The following PREPL variants were observed in gnomAD, a reference collection of about 807,000 sequenced individuals.
The protein encoded by PREPL is prolyl endopeptidase like.
In PREPL, 77 loss-of-function variants were observed where a neutral mutation model predicts 70.6. The ratio of observed to expected loss-of-function variants is 1.09; its 90% CI spans 0.91 to 1.32. The LOEUF (loss-of-function observed/expected upper bound fraction) is 1.32, where lower values mean the gene tolerates loss of function less well. Ranked by LOEUF, PREPL falls within the 40% of genes most tolerant of loss-of-function variation. The pLI is 0.00. For missense variants in PREPL, 1,002 were observed against 778.2 expected, an observed-to-expected ratio of 1.29 and a Z score of -3.42; for synonymous variants, 315 against 264.8, an observed-to-expected ratio of 1.19 and a Z score of -1.84.
intron 5 of PREPL, 44 bp from the exon 6 acceptor site, chr2:44,339,407 T>G (rs1423833133): frequency 6.2e-7 from 1 of 1,601,534 alleles, no homozygotes; most frequent in Middle Eastern, 1.9e-4. Context: ...TTATTTCAGA[T>G]GCATGCTACC....
At chr2:44,322,875 G>A (rs761135987) in intron 11 of PREPL, 21 bp from the exon 12 acceptor site, 16 of 1,610,448 alleles carry the variant, frequency 9.9e-6, no homozygotes, top group African/African-American at 1.3e-5. Context: ...ATACATGCAC[G>A]AAGAGTTTAC....
chr2:44,329,600 A>G (rs904992448), intron 8 of PREPL, among the ~76,000 whole-genome samples: 3 of 152,160 alleles, frequency 2.0e-5, no homozygotes, highest in Non-Finnish European at 2.9e-5. Context: ...TCAACCATTA[A>G]GACCTGAAAT....
At chr2:44,359,795 G>T (rs1014521397) in intron 1 of PREPL, 2 of 1,000,540 alleles carry the variant, frequency 2.0e-6, no homozygotes, top group South Asian at 1.4e-5. Context: ...ACAGAGTAGT[G>T]GGTTCTCAGA....
rs1489177920 is a variant in PREPL, at chr2:44,361,389, G to C, written c.-58C>G. On this transcript the variant is annotated 5_prime_UTR_variant, in exon 1 of 14. Transcript: ENST00000409411. ...CACCCCCCATACATACGCAAATTGA[G>C]AGAATCAGTCCGGCTCTGGACACAA... 2 of 152,330 alleles carry C rather than the reference G, an allele frequency of 1.3e-5. No homozygotes were observed. The highest frequency in any genetic ancestry group is 2.1e-4 in the South Asian group (1 of 4,846). 9.4% of individuals were successfully genotyped at this position (152,330 alleles called of 1,614,324 possible).
rs1558476543 is a variant in PREPL, at chr2:44,319,370, C to T, written c.*1986G>A. 1 of 152,426 alleles carries T rather than the reference C, an allele frequency of 6.6e-6. No individual in the cohort carries two copies. The highest frequency in any genetic ancestry group is 1.5e-5 in the Non-Finnish European group (1 of 68,020). 9.4% of individuals were successfully genotyped at this position (152,426 alleles called of 1,614,324 possible). A position where few individuals can be genotyped will look rare whatever the true frequency, so the allele number is the denominator to read the frequency against. ...AGTAACTGTCTTTCTGATAATCTAT[C>T]TTAAGTAATACAAAAATGGGGGGAG... is the stretch of plus-strand genomic sequence containing the variant. On this transcript the variant is annotated 3_prime_UTR_variant, in exon 14 of 14. Transcript: ENST00000409411.
Position 44,328,438 on chromosome 2 carries a change from C to CAAAAAAAAAAAA in PREPL, c.1262+487_1262+498dup, listed in dbSNP as rs1194898905. 8.2e-5 allele frequency among the ~76,000 whole-genome samples: 5 copies of CAAAAAAAAAAAA among 61,194 alleles called. 1 individual carries two copies. The highest frequency in any genetic ancestry group is 1.1e-4 in the Non-Finnish European group (4 of 35,500). 40.1% of individuals were successfully genotyped at this position (61,194 alleles called of 152,430 possible). On this transcript the variant is annotated intron_variant, in intron 9 of 13. Transcript: ENST00000409411. ...GGCGACAAAGCAAAACTGTCTCAAA[C>CAAAAAAAAAAAA]AAAAAAAAAAAAAAAAAAAAAAAAA...
chr2:44,361,816 C>A, upstream of PREPL: 3 of 1,107,808 alleles, frequency 2.7e-6, no homozygotes, highest in Non-Finnish European at 3.5e-6. Context: ...GGTGCAATGG[C>A]GTGACAGCTC....
Position 44,329,705 on chromosome 2 carries a change from A to C in PREPL, c.1087-593T>G, listed in dbSNP as rs953890218. On this transcript the variant is annotated intron_variant, in intron 8 of 13. Coordinates refer to ENST00000409411, the MANE Select transcript of PREPL (RefSeq NM_001171613.2). ...AAAGTGGTCTTAAAATTTTTCGGTA[A>C]AATTCTTTGTAGGGTTAAAGTAAGT... Among the ~76,000 whole-genome samples the C allele has an allele frequency of 3.3e-5, 5 of 152,296 alleles. No homozygotes were observed. The East Asian group carries it at 9.7e-4, about 29-fold the overall frequency.
chr2:44,352,812 T>C (rs892201153), intron 1 of PREPL, among the ~76,000 whole-genome samples: 2 of 152,098 alleles, frequency 1.3e-5, no homozygotes, highest in Non-Finnish European at 2.9e-5. Context: ...ATGGAGAAGA[T>C]ATCTACAGCA....
At chr2:44,343,628 A>G (rs1675461818) in intron 4 of PREPL, 117 bp downstream of exon 4, 2 of 852,112 alleles carry the variant, frequency 2.3e-6, no homozygotes, top group Admixed American at 2.0e-5. Flanking sequence ...TGTATAGTCC[A>G]TAGGGATACA....
chr2:44,329,088 C>CA lies in PREPL; in HGVS notation c.1110dup (p.Val371CysfsTer6). On this transcript the variant is annotated frameshift_variant, in exon 9 of 14. Coordinates refer to ENST00000409411, the MANE Select transcript of PREPL (RefSeq NM_001171613.2). LOFTEE classifies it high-confidence loss of function. The stretch of plus-strand genomic sequence containing the variant: ...TCCTCAGAGTCAGTTTTGTGGAAAA[C>CA]AGTCATTGGCACTAATTTTCCATCC... The CA allele has an allele frequency of 6.2e-7, 1 of 1,604,014 alleles. No homozygotes were observed. Among genetic ancestry groups the CA allele is most frequent in the Non-Finnish European group, 8.5e-7 (1 of 1,171,856 alleles).
At chr2:44,334,856 A>G (rs1267259846) in intron 7 of PREPL, among the ~76,000 whole-genome samples, 2 of 152,236 alleles carry the variant, frequency 1.3e-5, no homozygotes, top group African/African-American at 2.4e-5. Context: ...CTGGGATTAC[A>G]GGCTGAGATT....
At chr2:44,352,686 G>A (rs1468484795) in intron 1 of PREPL, among the ~76,000 whole-genome samples, 1 of 152,048 alleles carries the variant, frequency 6.6e-6, no homozygotes, top group Non-Finnish European at 1.5e-5. Context: ...TGCATAGCAG[G>A]TGTTCAACAA....
Position 44,333,060 on chromosome 2 carries a change from C to T in PREPL, c.889-404G>A, listed in dbSNP as rs186691878. 2.4e-3 allele frequency among the ~76,000 whole-genome samples: 368 copies of T among 152,280 alleles called. 1 individual carries two copies. The highest frequency in any genetic ancestry group is 8.5e-3 in the African/African-American group (352 of 41,554). ...CAAAGAACGTGAAATTCCTCACATG[C>T]GTGTGTTTTTCATAATTTACCCACT... On this transcript the variant is annotated intron_variant, in intron 7 of 13. Coordinates refer to ENST00000409411, the MANE Select transcript of PREPL (RefSeq NM_001171613.2).
chr2:44,351,141 G>A (rs959154360), intron 1 of PREPL, among the ~76,000 whole-genome samples: 2 of 149,644 alleles, frequency 1.3e-5, no homozygotes, highest in Non-Finnish European at 3.0e-5. Flanking sequence ...CACCATATTG[G>A]CTAGGCTGGT....
intron 1 of PREPL, chr2:44,359,814 G>A (rs1170196104): frequency 7.4e-6 from 6 of 809,282 alleles, no homozygotes; most frequent in Admixed American, 2.3e-5. Context: ...GAGTAACTAA[G>A]ATCAGCAGTT....
chr2:44,336,027 T>A (rs1674602963), intron 7 of PREPL, among the ~76,000 whole-genome samples: 1 of 152,260 alleles, frequency 6.6e-6, no homozygotes, highest in South Asian at 2.1e-4. Context: ...TCAGTTAGAA[T>A]GACTGTAGTT....
At position 44,345,993 on chromosome 2, in the gene PREPL, T is replaced by A. The variant is rs186705089; in HGVS notation, c.75+275A>T. ...CCTGTCTCTTGAAATTTTTTTTTTT[T>A]AAATCGGAACTGATTGTTTGCAAAA... On this transcript the variant is annotated intron_variant, in intron 2 of 13. Transcript: ENST00000409411. 3.8e-3 allele frequency among the ~76,000 whole-genome samples: 583 copies of A among 152,096 alleles called. 3 individuals carry two copies. Among genetic ancestry groups the A allele is most frequent in the African/African-American group, 0.013 (550 of 41,508 alleles).
chr2:44,361,444 G>A lies in PREPL; in HGVS notation c.-113C>T, dbSNP rs2104302641. 1 of 152,712 alleles carries A rather than the reference G, an allele frequency of 6.5e-6. No individual in the cohort carries two copies. The highest frequency in any genetic ancestry group is 3.3e-3 in the Middle Eastern group (1 of 300). The allele number at this position is 152,712 out of a possible 1,614,324, so 9.5% of individuals were successfully genotyped here. On this transcript the variant is annotated 5_prime_UTR_variant, in exon 1 of 14. Coordinates refer to ENST00000409411, the MANE Select transcript of PREPL (RefSeq NM_001171613.2). ...GTGAAGGCAGGCCGGAGAACCTGAA[G>A]CTCTCAGAGGGGAGCAGGTGTCACC...
Sources: allele counts gnomAD v4.1 joint callset (sites outside exome capture counted in the v4.1 genomes callset), GRCh38; gene constraint gnomAD v4.1.1; transcripts MANE v1.5; gene names NCBI Gene and HGNC (gene_info 2026-07-23, HGNC 2026-07-21).